Variants in WDR53 observed in about 807,000 individuals in gnomAD.
WDR53 encodes WD repeat-containing protein 53.
Under a neutral mutation model 21.3 loss-of-function variants are expected in WDR53, and 19 were observed. The observed-to-expected ratio is 0.89, with a 90% CI of 0.62 to 1.31. The LOEUF is 1.31. WDR53 is among the 50% of genes most tolerant of loss of function. The probability of loss-of-function intolerance (pLI) is 0.00; values close to 1 mark genes in which losing one functional copy is unlikely to be tolerated. For missense variants in WDR53, 374 were observed against 423.2 expected, an observed-to-expected ratio of 0.88 and a Z score of 1.02; for synonymous variants, 157 against 163.4, an observed-to-expected ratio of 0.96 and a Z score of 0.30.
Position 196,567,048 on chromosome 3 carries a change from T to C in WDR53, c.-188A>G. The C allele has an allele frequency of 2.4e-6, 1 of 408,562 alleles. No homozygotes were observed. The highest frequency in any genetic ancestry group is 3.5e-4 in the Middle Eastern group (1 of 2,842). 25.3% of individuals were successfully genotyped at this position (408,562 alleles called of 1,614,324 possible). On this transcript the variant is annotated 5_prime_UTR_variant, in exon 2 of 4. Transcript: ENST00000332629. ...AAAACTGAGTGATCTCTAAACACTC[T>C]GCACTAGTCATACCACCACCGTCCC...
chr3:196,555,046 T>G (rs1025086613), intron 3 of WDR53, among the ~76,000 whole-genome samples: 1 of 151,908 alleles, frequency 6.6e-6, no homozygotes, highest in Admixed American at 6.6e-5. Flanking sequence ...TAATTTTTGA[T>G]TAATAAACTC....
At chr3:196,561,891 C>A (rs1289557274) in intron 2 of WDR53, among the ~76,000 whole-genome samples, 2 of 152,216 alleles carry the variant, frequency 1.3e-5, no homozygotes, top group African/African-American at 4.8e-5. Flanking sequence ...TGCAGCTAGG[C>A]TCTCCAGGTT....
chr3:196,557,201 C>T (rs1055574257), intron 3 of WDR53, among the ~76,000 whole-genome samples: 3 of 152,208 alleles, frequency 2.0e-5, no homozygotes, highest in Non-Finnish European at 4.4e-5. Flanking sequence ...ACAAATTCCC[C>T]TTTTACAAAA....
chr3:196,557,375 T>C (rs1008163360), intron 3 of WDR53, among the ~76,000 whole-genome samples: 4 of 152,144 alleles, frequency 2.6e-5, no homozygotes, highest in African/African-American at 9.7e-5. Context: ...CCAGCCCTCC[T>C]CTGCAGCAAA....
At chr3:196,568,202 G>A (rs1185001797) in intron 1 of WDR53, among the ~76,000 whole-genome samples, 1 of 152,136 alleles carries the variant, frequency 6.6e-6, no homozygotes, top group Non-Finnish European at 1.5e-5. Context: ...ACTTTGCGAA[G>A]GCACACAGGG....
intron 2 of WDR53, among the ~76,000 whole-genome samples, chr3:196,564,484 T>G (rs1045353121): frequency 6.7e-6 from 1 of 149,444 alleles, no homozygotes. Flanking sequence ...CTTAGCCTCC[T>G]GAGTAGCTGG....
At chr3:196,557,190 AAC>A (rs1298605625) in intron 3 of WDR53, among the ~76,000 whole-genome samples, 2 of 152,226 alleles carry the variant, frequency 1.3e-5, no homozygotes, top group Non-Finnish European at 2.9e-5. Context: ...GACCTTTCAA[AAC>A]AAATTCCCCT....
intron 3 of WDR53, among the ~76,000 whole-genome samples, chr3:196,560,743 T>C (rs1002233559): frequency 2.6e-5 from 4 of 152,234 alleles, no homozygotes; most frequent in Admixed American, 6.5e-5. Context: ...CAATCAAATA[T>C]TTGCATTTTC....
chr3:196,556,812 C>T (rs774555599), intron 3 of WDR53, among the ~76,000 whole-genome samples: 73 of 152,108 alleles, frequency 4.8e-4, no homozygotes, highest in Non-Finnish European at 8.7e-4. Flanking sequence ...TTCAAACATG[C>T]ACTGCACCCA....
chr3:196,554,947 T>C, intron 3 of WDR53, 140 bp from the exon 4 acceptor site: 1 of 679,320 alleles, frequency 1.5e-6, no homozygotes, highest in East Asian at 2.6e-5. Context: ...TATTAAAAAA[T>C]AATCAAATGC....
chr3:196,559,086 A>G (rs961214335), intron 3 of WDR53, among the ~76,000 whole-genome samples: 1 of 152,208 alleles, frequency 6.6e-6, no homozygotes, highest in African/African-American at 2.4e-5. Flanking sequence ...TGCGTACCCA[A>G]TTGTCTATTG....
At chr3:196,562,712 A>T (rs1560307034) in intron 2 of WDR53, among the ~76,000 whole-genome samples, 1 of 152,146 alleles carries the variant, frequency 6.6e-6, no homozygotes. Context: ...ATCTAATTTT[A>T]TCTCAAAACA....
Position 196,561,424 on chromosome 3 carries a change from C to T in WDR53, c.52G>A (p.Ala18Thr). ...GAAGCCAGCAGCCCTTCTTTACTTG[C>T]ATTCAGGCAGAGGACAGGAGAAGAA... ...GHSSPVLCLN[A>T]SKEGLLASGA... Residue 18 changes from alanine to threonine, a missense_variant, in exon 3 of 4, where the codon GCA becomes ACA. Ala to Thr is a moderately conservative substitution (Grantham distance 58, BLOSUM62 0). Transcript: ENST00000332629. 8 of 1,614,112 alleles carry T rather than the reference C, an allele frequency of 5.0e-6. No individual in the cohort carries two copies. Among genetic ancestry groups the T allele is most frequent in the Non-Finnish European group, 6.8e-6 (8 of 1,180,018 alleles).
At chr3:196,558,074 G>C (rs1333718691) in intron 3 of WDR53, among the ~76,000 whole-genome samples, 1 of 151,720 alleles carries the variant, frequency 6.6e-6, no homozygotes, top group Non-Finnish European at 1.5e-5. Context: ...ACTGCGCCTG[G>C]CCTAATGTTA....
chr3:196,559,347 T>C (rs988048160), intron 3 of WDR53, among the ~76,000 whole-genome samples: 7 of 152,194 alleles, frequency 4.6e-5, no homozygotes, highest in Admixed American at 6.5e-5. Flanking sequence ...CTATGCCCCA[T>C]ACATGTAGAG....
chr3:196,562,766 G>C (rs966881971), intron 2 of WDR53, among the ~76,000 whole-genome samples: 1 of 152,080 alleles, frequency 6.6e-6, no homozygotes, highest in Non-Finnish European at 1.5e-5. Context: ...TAATAAAACC[G>C]AGTCTCAGAA....
At chr3:196,562,985 A>G (rs1340014894) in intron 2 of WDR53, among the ~76,000 whole-genome samples, 1 of 152,018 alleles carries the variant, frequency 6.6e-6, no homozygotes, top group Non-Finnish European at 1.5e-5. Context: ...TATGTGCACC[A>G]CCATGCCTGG....
Position 196,561,489 on chromosome 3 carries a change from ACT to A in WDR53, c.-16_-15del. ...CTTGACTGCCATAATGGTCCCGGAG[ACT>A]CTGTGAAGTGGGGGAAACAACTGTA... On this transcript the variant is annotated splice_region_variant and 5_prime_UTR_variant, in exon 3 of 4. Coordinates refer to ENST00000332629, the MANE Select transcript of WDR53 (RefSeq NM_182627.3). 6.3e-7 allele frequency: 1 copy of A among 1,598,692 alleles called. No individual in the cohort carries two copies. Among genetic ancestry groups the A allele is most frequent in the Non-Finnish European group, 8.5e-7 (1 of 1,172,460 alleles).
chr3:196,564,599 G>A (rs141412257), intron 2 of WDR53, among the ~76,000 whole-genome samples: 3,554 of 152,056 alleles, frequency 0.023, 81 homozygotes, highest in Middle Eastern at 0.13. Context: ...CTGGGCTCAA[G>A]TGATCCTCCC....
Sources: allele counts gnomAD v4.1 joint callset (sites outside exome capture counted in the v4.1 genomes callset), GRCh38; gene constraint gnomAD v4.1.1; transcripts MANE v1.5; gene names NCBI Gene and HGNC (gene_info 2026-07-23, HGNC 2026-07-21).